HMCN2: variants seen among roughly 807,000 people sequenced by gnomAD.
HMCN2 encodes hemicentin-2.
A neutral mutation model predicts 377.5 loss-of-function variants in HMCN2; 325 were observed. That is an observed-to-expected ratio of 0.86 (90% confidence interval 0.79 to 0.94). HMCN2 has a LOEUF of 0.94. Ranked by LOEUF, HMCN2 falls within the 40% of genes least tolerant of loss-of-function variation. The pLI is 0.00. For missense variants in HMCN2, 4,543 were observed against 4,725.3 expected, an observed-to-expected ratio of 0.96 and a Z score of 1.13; for synonymous variants, 2,007 against 2,046.8, an observed-to-expected ratio of 0.98 and a Z score of 0.53.
At position 130,427,360 on chromosome 9, in the gene HMCN2, G is replaced by A; in HGVS notation, c.13927G>A (p.Gly4643Arg). Residue 4643 changes from glycine (G) to arginine (R), a missense_variant, in exon 91 of 98, where the codon GGA becomes AGA. Transcript: ENST00000683500. ...CPEGFELDSQ[G>R]AFCVDRDECS... ...CGAGGGCTTTGAGCTGGACTCCCAG[G>A]GAGCGTTTTGTGTGGGTGAGCGCCC... is the stretch of plus-strand genomic sequence containing the variant. The A allele has an allele frequency of 6.4e-7, 1 of 1,550,566 alleles. No individual in the cohort carries two copies. Among genetic ancestry groups the A allele is most frequent in the Non-Finnish European group, 8.7e-7 (1 of 1,146,986 alleles).
chr9:130,343,743 G>A (rs1387276532), intron 25 of HMCN2, among the ~76,000 whole-genome samples: 1 of 152,224 alleles, frequency 6.6e-6, no homozygotes, highest in Non-Finnish European at 1.5e-5. Context: ...TGATAGCACT[G>A]CCTCTCCCCA....
intron 82 of HMCN2, 68 bp from the exon 83 acceptor site, chr9:130,407,502 GT>G: frequency 8.1e-7 from 1 of 1,239,124 alleles, no homozygotes; most frequent in Admixed American, 2.7e-5. Flanking sequence ...GTTCCTGCAG[GT>G]ACCCAGGCAC....
chr9:130,349,270 C>A, intron 28 of HMCN2, 139 bp downstream of exon 28: 1 of 894,666 alleles, frequency 1.1e-6, no homozygotes. Context: ...GACCCAACCC[C>A]CATCCTCACA....
At chr9:130,392,952 T>A (rs542036409) in intron 66 of HMCN2, among the ~76,000 whole-genome samples, 1 of 150,360 alleles carries the variant, frequency 6.7e-6, no homozygotes. Flanking sequence ...GCCGAGATCG[T>A]GCCACTGCAC....
chr9:130,349,810 C>T (rs1272512334), intron 29 of HMCN2, 147 bp downstream of exon 29: 6 of 644,484 alleles, frequency 9.3e-6, no homozygotes, highest in Admixed American at 8.6e-5. Context: ...GCTGTAGGGG[C>T]GCCTCCCACC....
chr9:130,301,166 C>T (rs782302520), intron 8 of HMCN2, among the ~76,000 whole-genome samples: 16 of 152,214 alleles, frequency 1.1e-4, no homozygotes, highest in Non-Finnish European at 1.8e-4. Flanking sequence ...CAAGGCAGGG[C>T]TGGGCAGGAG....
At chr9:130,432,589 A>G in intron 97 of HMCN2, 34 bp downstream of exon 97, 3 of 1,544,878 alleles carry the variant, frequency 1.9e-6, no homozygotes, top group African/African-American at 1.4e-5. Flanking sequence ...TCGTGCCCTC[A>G]GGAAAAGCAC....
Position 130,286,118 on chromosome 9 carries a change from A to T in HMCN2, c.490-70A>T, listed in dbSNP as rs910008717. 3 of 461,746 alleles carry T rather than the reference A, an allele frequency of 6.5e-6. No individual in the cohort carries two copies. In the Middle Eastern group the frequency reaches 1.8e-3, roughly 281 times the overall value. 28.6% of individuals were successfully genotyped at this position (461,746 alleles called of 1,614,324 possible). A position where few individuals can be genotyped will look rare whatever the true frequency, so the allele number is the denominator to read the frequency against. ...ACTCCAGGTCACTCCACCCTGGTCG[A>T]GGTCCTGCTGCTCACCCCTGAAGCA... On this transcript the variant is annotated intron_variant, in intron 3 of 97. Coordinates refer to ENST00000683500, the MANE Select transcript of HMCN2 (RefSeq NM_001291815.2).
chr9:130,287,647 T>C (rs2131287701), intron 4 of HMCN2, among the ~76,000 whole-genome samples: 1 of 151,142 alleles, frequency 6.6e-6, no homozygotes, highest in South Asian at 2.1e-4. Context: ...TTTATAACTG[T>C]GCGATTATTA....
Position 130,403,286 on chromosome 9 carries a change from C to G in HMCN2, c.11971C>G (p.Pro3991Ala). 1 of 1,289,856 alleles carries G rather than the reference C, an allele frequency of 7.8e-7. No homozygotes were observed. The highest frequency in any genetic ancestry group is 1.0e-6 in the Non-Finnish European group (1 of 988,868). 79.9% of individuals were successfully genotyped at this position (1,289,856 alleles called of 1,614,324 possible). Residue 3991 changes from proline (P) to alanine (A), a missense_variant, in exon 79 of 98, where the codon CCG becomes GCG. By Grantham distance (27) the Pro-to-Ala change is conservative (BLOSUM62 -1). This residue lies in a region of HMCN2 where 1,073 missense variants were observed against 1,319.5 expected (regional missense o/e 0.81). Transcript: ENST00000683500. ...LPCEASGIPR[P>A]TITWQKEGLN... Reference sequence around the variant, plus strand: ...CTGCGAGGCCTCAGGCATCCCCCGGCCGACCATCACCTGGCAGAAGGAAGG... The same window carrying G: ...CTGCGAGGCCTCAGGCATCCCCCGGGCGACCATCACCTGGCAGAAGGAAGG...
chr9:130,357,261 G>A (rs1840085752), intron 34 of HMCN2, among the ~76,000 whole-genome samples: 1 of 138,896 alleles, frequency 7.2e-6, no homozygotes, highest in African/African-American at 2.6e-5. Flanking sequence ...AGGGTGGGTA[G>A]ATGGATGAAT....
At position 130,308,275 on chromosome 9, in the gene HMCN2, G is replaced by C. The variant is rs181269774; in HGVS notation, c.2200+709G>C. 1.3e-5 allele frequency among the ~76,000 whole-genome samples: 2 copies of C among 152,298 alleles called. No homozygotes were observed. The highest frequency in any genetic ancestry group is 1.3e-4 in the Admixed American group (2 of 15,300). On this transcript the variant is annotated intron_variant, in intron 14 of 97. Transcript: ENST00000683500. This position sits in a 1 kb window ranked among gnomAD's most constrained non-coding sequence, Gnocchi z 4.1. Reference sequence around the variant, plus strand: ...CCTGGCCATATGTGCAAAGGTTTTAGAACAAGCTTGGCACATGTGCTGTGC... The same window carrying C: ...CCTGGCCATATGTGCAAAGGTTTTACAACAAGCTTGGCACATGTGCTGTGC...
In HMCN2 at chr9:130,407,684, G is replaced by A. The variant is rs1400549679; in HGVS notation, c.12667G>A (p.Val4223Ile). ...AENRVGRTQA[V>I]SFVHVKEAPV... is the part of the protein sequence containing the mutation. ...GAACAGAGTGGGCCGCACGCAGGCG[G>A]TCAGCTTCGTCCACGTGAAGGGTAG... is the stretch of plus-strand genomic sequence containing the variant. The change falls in exon 83 of 98, where the codon GTC (valine) becomes ATC (isoleucine). Residue 4223 changes from valine (V) to isoleucine (I), a missense_variant. Transcript: ENST00000683500. The A allele has an allele frequency of 1.6e-6, 2 of 1,254,370 alleles. No homozygotes were observed. The highest frequency in any genetic ancestry group is 2.1e-6 in the Non-Finnish European group (2 of 966,668). The allele number at this position is 1,254,370 out of a possible 1,614,324, so 77.7% of individuals were successfully genotyped here.
chr9:130,428,345 G>T lies in HMCN2; in HGVS notation c.14066-13G>T. ...TCATGTTCACACAGCCGTCTGCCCTGATCTGCCCCCAGATGTGGACGAGTG... is the reference window on the plus strand; with the variant it reads ...TCATGTTCACACAGCCGTCTGCCCTTATCTGCCCCCAGATGTGGACGAGTG... On this transcript the variant is annotated splice_polypyrimidine_tract_variant and intron_variant, in intron 92 of 97. Transcript: ENST00000683500. This position sits in a 1 kb window ranked among gnomAD's most constrained non-coding sequence, Gnocchi z 5.0. 1.3e-6 allele frequency: 2 copies of T among 1,541,200 alleles called. No homozygotes were observed.
In HMCN2 at chr9:130,336,300, C is replaced by T. The variant is rs1223181968; in HGVS notation, c.3360-1594C>T. On this transcript the variant is annotated intron_variant, in intron 22 of 97. Coordinates refer to ENST00000683500, the MANE Select transcript of HMCN2 (RefSeq NM_001291815.2). Reference sequence around the variant, plus strand: ...TATATACTCATGATGCTATTTATATCGTGATATAGCTCGTGATGCAAGTTT... The same window carrying T: ...TATATACTCATGATGCTATTTATATTGTGATATAGCTCGTGATGCAAGTTT... Among the ~76,000 whole-genome samples, 9 of 152,258 alleles carry T rather than the reference C, an allele frequency of 5.9e-5. No individual in the cohort carries two copies. In the East Asian group the frequency reaches 7.7e-4, roughly 13 times the overall value.
Position 130,393,421 on chromosome 9 carries a change from G to T in HMCN2, c.10234+112G>T, listed in dbSNP as rs553757837. 4.5e-5 allele frequency: 28 copies of T among 622,220 alleles called. No individual in the cohort carries two copies. Among genetic ancestry groups the T allele is most frequent in the South Asian group, 4.5e-4 (7 of 15,704 alleles). 38.5% of individuals were successfully genotyped at this position (622,220 alleles called of 1,614,324 possible). On this transcript the variant is annotated intron_variant, in intron 67 of 97. Transcript: ENST00000683500. This position sits in a 1 kb window ranked among gnomAD's most constrained non-coding sequence, Gnocchi z 5.2. ...ACCAAGGATGGGCCCTGGGGGCGTC[G>T]AGGAGAGCGGACACTGCGGCTCAGT...
At chr9:130,311,557 C>A (rs993395943) in intron 15 of HMCN2, among the ~76,000 whole-genome samples, 127 of 152,258 alleles carry the variant, frequency 8.3e-4, no homozygotes, top group African/African-American at 2.9e-3. Context: ...ATGCACAGGG[C>A]ACCGAGTGGC....
intron 49 of HMCN2, among the ~76,000 whole-genome samples, 187 bp from the exon 50 acceptor site, chr9:130,375,376 G>A (rs12003915): frequency 0.12 from 18,494 of 152,144 alleles, 1,294 homozygotes; most frequent in African/African-American, 0.17. Flanking sequence ...CCGGGCTCTG[G>A]GTCACCCAGG....
Position 130,384,765 on chromosome 9 carries a change from C to T in HMCN2, c.9073C>T (p.Arg3025Ter), listed in dbSNP as rs868352474. ...ATGCGAAGCCCTCAATGCTGCCGGC[C>T]GAGACCAGAAGCTGGTGCAGCTCAG... ...YTCEALNAAG[R>*]DQKLVQLSVL... The change falls in exon 59 of 98, where the codon CGA becomes TGA. Residue 3025 changes from arginine to a stop codon, truncating the protein, a stop_gained. Coordinates refer to ENST00000683500, the MANE Select transcript of HMCN2 (RefSeq NM_001291815.2). LOFTEE classifies it high-confidence loss of function. The T allele has an allele frequency of 1.4e-5, 18 of 1,303,370 alleles. No homozygotes were observed. The highest frequency in any genetic ancestry group is 6.2e-5 in the South Asian group (5 of 81,038). The allele number at this position is 1,303,370 out of a possible 1,614,324, so 80.7% of individuals were successfully genotyped here.
Sources: gnomAD v4.1 joint callset for allele counts (sites outside exome capture counted in the v4.1 genomes callset) on GRCh38, gnomAD v4.1.1 for gene constraint, gnomAD v4.1.1 regional missense constraint, Gnocchi (gnomAD v3.1) non-coding constraint, MANE v1.5 for transcripts, NCBI Gene and HGNC (gene_info 2026-07-23, HGNC 2026-07-21) for gene names.